Variants in RB1CC1 observed in about 807,000 individuals in gnomAD.
RB1CC1 encodes the protein RB1-inducible coiled-coil protein 1.
RB1CC1 carries 46 observed loss-of-function variants against 177.5 expected under a neutral mutation model. The ratio of observed to expected loss-of-function variants is 0.26; its 90% confidence interval spans 0.20 to 0.33. RB1CC1 has a LOEUF of 0.33. RB1CC1 is among the 10% of genes least tolerant of loss of function. The pLI is 1.00. For synonymous variants in RB1CC1, 666 were observed against 613.6 expected (o/e 1.09, Z -1.26); for missense variants, 1,703 against 1,816.3 (o/e 0.94, Z 1.13).
intron 2 of RB1CC1, 108 bp downstream of exon 2, chr8:52,686,745 T>A (rs921819559): frequency 1.2e-5 from 4 of 322,754 alleles, no homozygotes; most frequent in Non-Finnish European, 2.4e-5. Flanking sequence ...CTTAGAGAAT[T>A]ATTAGAGAAG....
At chr8:52,642,675 TAAAAA>T (rs748247844) in intron 17 of RB1CC1, 24 bp downstream of exon 17, 1 of 1,569,854 alleles carries the variant, frequency 6.4e-7, no homozygotes, top group South Asian at 1.2e-5. Context: ...TTTAAAAAAT[TAAAAA>T]AAATAGTACA....
intron 7 of RB1CC1, among the ~76,000 whole-genome samples, chr8:52,669,439 G>A (rs555123618): frequency 2.6e-5 from 4 of 152,090 alleles, no homozygotes; most frequent in South Asian, 2.1e-4. Flanking sequence ...CTCTACAGTC[G>A]GAAAAAACTG....
intron 16 of RB1CC1, among the ~76,000 whole-genome samples, chr8:52,643,974 T>C (rs1160482520): frequency 6.6e-6 from 1 of 152,036 alleles, no homozygotes; most frequent in South Asian, 2.1e-4. Context: ...CCACAAAGCA[T>C]ACAGGAAGAT....
rs763154672 is a variant in RB1CC1, at chr8:52,642,819, C to G, written c.3988-7G>C. 5.9e-6 allele frequency: 9 copies of G among 1,528,416 alleles called. No homozygotes were observed. In the South Asian group the frequency reaches 9.3e-5, roughly 16 times the overall value. 94.7% of individuals were successfully genotyped at this position (1,528,416 alleles called of 1,614,324 possible). A position where few individuals can be genotyped will look rare whatever the true frequency, so the allele number is the denominator to read the frequency against. Reference sequence around the variant, plus strand: ...AAACAGTGTTAAAATTGGTCTGGAACAAGAGAATAATTATTTAAATTTATC... The same window carrying G: ...AAACAGTGTTAAAATTGGTCTGGAAGAAGAGAATAATTATTTAAATTTATC... On this transcript the variant is annotated splice_polypyrimidine_tract_variant and splice_region_variant and intron_variant, in intron 16 of 23. Coordinates refer to ENST00000025008, the MANE Select transcript of RB1CC1 (RefSeq NM_014781.5).
At chr8:52,652,698 G>T (rs376324407) in intron 15 of RB1CC1, among the ~76,000 whole-genome samples, 5 of 152,128 alleles carry the variant, frequency 3.3e-5, no homozygotes, top group African/African-American at 4.8e-5. Context: ...CATGCACACA[G>T]ATTATATGAA....
intron 21 of RB1CC1, among the ~76,000 whole-genome samples, chr8:52,630,117 A>C (rs901085720): frequency 2.0e-5 from 3 of 152,224 alleles, no homozygotes; most frequent in South Asian, 4.1e-4. Context: ...AAAATGAGGA[A>C]ACACTGCAAC....
chr8:52,709,378 C>G (rs546972284), intron 1 of RB1CC1, among the ~76,000 whole-genome samples: 1 of 152,216 alleles, frequency 6.6e-6, no homozygotes, highest in Admixed American at 6.5e-5. Flanking sequence ...ACAATTTTCT[C>G]GAGAGATTAT....
intron 18 of RB1CC1, among the ~76,000 whole-genome samples, chr8:52,640,254 A>G (rs1005973460): frequency 5.3e-5 from 8 of 152,196 alleles, no homozygotes; most frequent in African/African-American, 1.7e-4. Flanking sequence ...GGGAGAGTAC[A>G]GAGGAGAGGA....
At chr8:52,652,591 G>A (rs1262889210) in intron 15 of RB1CC1, among the ~76,000 whole-genome samples, 1 of 151,952 alleles carries the variant, frequency 6.6e-6, no homozygotes, top group Non-Finnish European at 1.5e-5. Flanking sequence ...AACAAAATCA[G>A]TCTGGAGTCA....
At chr8:52,640,091 G>A (rs1849442895) in intron 18 of RB1CC1, among the ~76,000 whole-genome samples, 1 of 152,098 alleles carries the variant, frequency 6.6e-6, no homozygotes, top group Admixed American at 6.5e-5. Flanking sequence ...TTCTCTCAGA[G>A]TACCACTTTC....
At chr8:52,682,876 T>C (rs1307868686) in intron 5 of RB1CC1, among the ~76,000 whole-genome samples, 1 of 152,140 alleles carries the variant, frequency 6.6e-6, no homozygotes, top group Non-Finnish European at 1.5e-5. Flanking sequence ...ATGGGGGTAT[T>C]TGTACAAATG....
intron 18 of RB1CC1, among the ~76,000 whole-genome samples, 157 bp from the exon 19 acceptor site, chr8:52,636,226 G>A (rs887104736): frequency 5.3e-5 from 8 of 152,144 alleles, no homozygotes; most frequent in Non-Finnish European, 1.0e-4. Context: ...TAATTTCAAT[G>A]TTGTATATTC....
chr8:52,695,124 CA>C (rs1318268732), intron 1 of RB1CC1, among the ~76,000 whole-genome samples: 1 of 152,138 alleles, frequency 6.6e-6, no homozygotes, highest in East Asian at 1.9e-4. Flanking sequence ...AAAAAGAAGA[CA>C]GTATTTTTCT....
chr8:52,677,387 A>G (rs111453862), intron 5 of RB1CC1, among the ~76,000 whole-genome samples: 26 of 152,332 alleles, frequency 1.7e-4, no homozygotes, highest in East Asian at 7.7e-4. Context: ...AATATGAAGC[A>G]CTATTGGTTA....
At chr8:52,635,900 A>G (rs756816239) in intron 19 of RB1CC1, 115 bp downstream of exon 19, 111 of 1,302,836 alleles carry the variant, frequency 8.5e-5, no homozygotes, top group Non-Finnish European at 1.1e-4. Context: ...AGTTAATCAT[A>G]AAAAGGCTTA....
chr8:52,665,358 T>C (rs574769674), intron 8 of RB1CC1, among the ~76,000 whole-genome samples: 3 of 152,302 alleles, frequency 2.0e-5, no homozygotes, highest in South Asian at 2.1e-4. Flanking sequence ...ACTGGAAGTG[T>C]TGACTGATTT....
chr8:52,674,484 T>C (rs775535055), intron 6 of RB1CC1, among the ~76,000 whole-genome samples: 1 of 152,178 alleles, frequency 6.6e-6, no homozygotes, highest in Non-Finnish European at 1.5e-5. Flanking sequence ...AATATCACTC[T>C]AGGGCTGGGC....
chr8:52,687,012 C>G (rs530183152), intron 1 of RB1CC1, 45 bp from the exon 2 acceptor site: 7 of 452,784 alleles, frequency 1.5e-5, no homozygotes, highest in Non-Finnish European at 8.9e-6. Flanking sequence ...CAATTCAGTA[C>G]GAAACAACAT....
chr8:52,707,101 A>G, intron 1 of RB1CC1, among the ~76,000 whole-genome samples: 1 of 152,252 alleles, frequency 6.6e-6, no homozygotes, highest in Non-Finnish European at 1.5e-5. Context: ...ATTTGATTAC[A>G]AAAAGTAAAA....
Sources: gnomAD v4.1 joint callset for allele counts (sites outside exome capture counted in the v4.1 genomes callset) on GRCh38, gnomAD v4.1.1 for gene constraint, MANE v1.5 for transcripts, NCBI Gene and HGNC (gene_info 2026-07-23, HGNC 2026-07-21) for gene names.